Variants in GALNT10 observed in about 807,000 individuals in gnomAD.
The protein encoded by GALNT10 is GalNAc transferase 10.
A neutral mutation model predicts 75.0 loss-of-function variants in GALNT10; 41 were observed. The ratio of observed to expected loss-of-function variants is 0.55; its 90% CI spans 0.43 to 0.71. The LOEUF is 0.71. Ranked by LOEUF, GALNT10 falls within the 30% of genes least tolerant of loss-of-function variation. The pLI is 0.00. For missense variants in GALNT10, 727 were observed against 818.5 expected (o/e 0.89, Z 1.36); for synonymous variants, 302 against 313.0 (o/e 0.96, Z 0.37).
chr5:154,308,711 G>C (rs1754469279), intron 3 of GALNT10, among the ~76,000 whole-genome samples: 2 of 152,164 alleles, frequency 1.3e-5, no homozygotes, highest in South Asian at 4.1e-4. Context: ...TCCACCTCCA[G>C]TCTGCAGCTC....
At chr5:154,346,997 C>G (rs1755131839) in intron 4 of GALNT10, 1 of 299,668 alleles carries the variant, frequency 3.3e-6, no homozygotes, top group Non-Finnish European at 6.8e-6. Flanking sequence ...GTTTATTCAT[C>G]CCTTCTTTTT....
At chr5:154,351,629 C>T (rs1755205688) in intron 4 of GALNT10, among the ~76,000 whole-genome samples, 1 of 152,194 alleles carries the variant, frequency 6.6e-6, no homozygotes, top group Admixed American at 6.5e-5. Flanking sequence ...GGCTTCCGCT[C>T]GTCTGTAACC....
rs573773568 is a variant in GALNT10 at position 154,275,739 on chromosome 5, G to A, written c.160-19077G>A. Among the ~76,000 whole-genome samples, 4 of 152,318 alleles carry A rather than the reference G, an allele frequency of 2.6e-5. No homozygotes were observed. The East Asian group carries it at 5.8e-4, about 22-fold the overall frequency. On this transcript the variant is annotated intron_variant, in intron 1 of 11. Coordinates refer to ENST00000297107, the MANE Select transcript of GALNT10 (RefSeq NM_198321.4). ...CTCTCCATAGAGGAGCTTCTTCATA[G>A]CATGGTGGCTGGGATCCAAGAATGA...
intron 1 of GALNT10, among the ~76,000 whole-genome samples, chr5:154,226,962 A>G (rs538030754): frequency 6.6e-6 from 1 of 152,028 alleles, no homozygotes; most frequent in East Asian, 1.9e-4. Flanking sequence ...AAAAAAAAAA[A>G]CTTCCTTTTT....
intron 10 of GALNT10, among the ~76,000 whole-genome samples, chr5:154,414,254 TAGGTA>T (rs1239383051): frequency 6.6e-6 from 1 of 152,188 alleles, no homozygotes; most frequent in East Asian, 1.9e-4. Flanking sequence ...ATCCCACTCC[TAGGTA>T]TTTATCCAAG....
chr5:154,206,111 C>T (rs1299372425), intron 1 of GALNT10, among the ~76,000 whole-genome samples: 1 of 152,156 alleles, frequency 6.6e-6, no homozygotes. Flanking sequence ...GGATAATTGT[C>T]TTAATCTCTT....
At chr5:154,410,262 A>G (rs781027369) in intron 9 of GALNT10, among the ~76,000 whole-genome samples, 2 of 152,112 alleles carry the variant, frequency 1.3e-5, no homozygotes, top group Non-Finnish European at 2.9e-5. Flanking sequence ...GGAGCCAGGC[A>G]CAGTGGCTCA....
chr5:154,371,830 T>C (rs1755575560), intron 4 of GALNT10, among the ~76,000 whole-genome samples: 2 of 152,176 alleles, frequency 1.3e-5, no homozygotes, highest in African/African-American at 4.8e-5. Flanking sequence ...AACACTGAGA[T>C]AACTTACTGG....
rs530766568 is a variant in GALNT10, at chr5:154,409,243, G to C, written c.1165-298G>C. 5.2e-4 allele frequency among the ~76,000 whole-genome samples: 79 copies of C among 152,318 alleles called. No individual in the cohort carries two copies. The highest frequency in any genetic ancestry group is 1.5e-3 in the African/African-American group (63 of 41,564). Reference sequence around the variant, plus strand: ...TCCTCCTGCCACATGAGCTGACAGGGAGACAGGGTGGCTCCCCAGAGGAAA... The same window carrying C: ...TCCTCCTGCCACATGAGCTGACAGGCAGACAGGGTGGCTCCCCAGAGGAAA... On this transcript the variant is annotated intron_variant, in intron 8 of 11. Transcript: ENST00000297107. This position sits in a 1 kb window ranked among gnomAD's most constrained non-coding sequence, Gnocchi z 4.5.
intron 1 of GALNT10, among the ~76,000 whole-genome samples, chr5:154,241,437 G>T (rs1159161811): frequency 1.3e-5 from 2 of 152,034 alleles, no homozygotes; most frequent in Non-Finnish European, 2.9e-5. Context: ...ACCATCCAGA[G>T]ATAACCATAG....
rs951536690 is a variant in GALNT10, at chr5:154,322,305, G to A, written c.402-7267G>A. The stretch of plus-strand genomic sequence containing the variant: ...CTGCTAAGAGCTGCCCATCTTCCTG[G>A]GCTCACGACCCTTTTCCTCCATCTT... On this transcript the variant is annotated intron_variant, in intron 3 of 11. Transcript: ENST00000297107. Among the ~76,000 whole-genome samples, 10 of 152,144 alleles carry A rather than the reference G, an allele frequency of 6.6e-5. No homozygotes were observed. In the East Asian group the frequency reaches 1.7e-3, roughly 27 times the overall value.
chr5:154,353,637 CAT>C (rs1239919057), intron 4 of GALNT10, among the ~76,000 whole-genome samples: 1 of 152,248 alleles, frequency 6.6e-6, no homozygotes, highest in Non-Finnish European at 1.5e-5. Context: ...AACAAGAAGA[CAT>C]GGGCCCTGCC....
chr5:154,308,951 C>T (rs1428746827), intron 3 of GALNT10, among the ~76,000 whole-genome samples: 1 of 152,138 alleles, frequency 6.6e-6, no homozygotes, highest in Admixed American at 6.5e-5. Flanking sequence ...CCTCCTAGAG[C>T]TTACATTCCA....
At chr5:154,363,827 C>T (rs1168408186) in intron 4 of GALNT10, among the ~76,000 whole-genome samples, 1 of 152,168 alleles carries the variant, frequency 6.6e-6, no homozygotes, top group Non-Finnish European at 1.5e-5. Context: ...CAAGGCCTCC[C>T]AAACATGCTT....
chr5:154,214,830 C>T (rs1752841619), intron 1 of GALNT10, among the ~76,000 whole-genome samples: 1 of 152,144 alleles, frequency 6.6e-6, no homozygotes, highest in East Asian at 1.9e-4. Context: ...CAGAGGGAAA[C>T]CTAGAGCTGT....
intron 1 of GALNT10, among the ~76,000 whole-genome samples, chr5:154,206,927 G>T (rs983813355): frequency 1.3e-5 from 2 of 152,222 alleles, no homozygotes; most frequent in Admixed American, 1.3e-4. Flanking sequence ...CAGTTTGGAG[G>T]CTATTGGGGT....
intron 3 of GALNT10, among the ~76,000 whole-genome samples, chr5:154,327,541 G>A (rs964907049): frequency 6.6e-6 from 1 of 152,236 alleles, no homozygotes; most frequent in Non-Finnish European, 1.5e-5. Context: ...TTGGGAACCA[G>A]TAAGAATAAT....
intron 1 of GALNT10, among the ~76,000 whole-genome samples, chr5:154,256,697 A>G (rs903965915): frequency 6.6e-5 from 10 of 152,242 alleles, no homozygotes; most frequent in African/African-American, 2.4e-4. Flanking sequence ...AAACACTGTC[A>G]CAGTGTTTGG....
rs578111587 is a variant in GALNT10, at chr5:154,372,525, A to T, written c.569-3752A>T. On this transcript the variant is annotated intron_variant, in intron 4 of 11. Transcript: ENST00000297107. ...TTTATTTGGGAGGAGATGCCAGGAA[A>T]TATCAGCAAGAAAGTACATAAGTAA... Among the ~76,000 whole-genome samples, 3 of 152,350 alleles carry T rather than the reference A, an allele frequency of 2.0e-5. No individual in the cohort carries two copies. In the East Asian group the frequency reaches 5.8e-4, roughly 29 times the overall value.
Sources: allele counts gnomAD v4.1 joint callset (sites outside exome capture counted in the v4.1 genomes callset), GRCh38; gene constraint gnomAD v4.1.1; non-coding constraint Gnocchi (gnomAD v3.1); transcripts MANE v1.5; gene names NCBI Gene and HGNC (gene_info 2026-07-23, HGNC 2026-07-21).